Variants in DPP6 observed in about 807,000 individuals in gnomAD.
DPP6 encodes the protein dipeptidyl peptidase like 6, also known as A-type potassium channel modulatory protein DPP6.
A neutral mutation model predicts 122.6 loss-of-function variants in DPP6; 69 were observed. That is an observed-to-expected ratio of 0.56 (90% CI 0.46 to 0.69). The LOEUF (loss-of-function observed/expected upper bound fraction) is 0.69. Among genes scored for constraint, DPP6 ranks in the 30% least tolerant of loss-of-function variants. DPP6 has a pLI of 0.00. For synonymous variants in DPP6, 418 were observed against 433.1 expected (o/e 0.97, Z 0.43); for missense variants, 928 against 1,116.9 (o/e 0.83, Z 2.41).
At chr7:153,907,886 A>G (rs1392988390) in intron 1 of DPP6, among the ~76,000 whole-genome samples, 3 of 152,132 alleles carry the variant, frequency 2.0e-5, no homozygotes, top group Non-Finnish European at 4.4e-5. Context: ...ACGCTGACTG[A>G]TACACTAGGA....
intron 1 of DPP6, among the ~76,000 whole-genome samples, chr7:154,076,640 C>T (rs62485620): frequency 0.21 from 31,378 of 148,778 alleles, 3,403 homozygotes; most frequent in East Asian, 0.42. Flanking sequence ...AGGATGCGTA[C>T]CAAGGTGGAT....
intron 1 of DPP6, among the ~76,000 whole-genome samples, chr7:154,025,723 GAACT>G (rs575311596): frequency 6.6e-6 from 1 of 152,024 alleles, no homozygotes; most frequent in South Asian, 2.1e-4. Context: ...CTAGTAGAAT[GAACT>G]AATATGAAAC....
At chr7:154,066,585 C>T (rs1563164301) in intron 1 of DPP6, among the ~76,000 whole-genome samples, 1 of 152,134 alleles carries the variant, frequency 6.6e-6, no homozygotes, top group South Asian at 2.1e-4. Context: ...TGGGAAGGGG[C>T]TCCTGAGCAG....
intron 1 of DPP6, among the ~76,000 whole-genome samples, chr7:154,245,657 T>C (rs1801938368): frequency 8.6e-6 from 1 of 116,338 alleles, no homozygotes; most frequent in Non-Finnish European, 1.9e-5. Flanking sequence ...AAAAAAGCTA[T>C]GGCTATGTTA....
chr7:154,477,275 C>CCAGCACCAGCAT (rs1302967368), intron 3 of DPP6, among the ~76,000 whole-genome samples: 3 of 151,938 alleles, frequency 2.0e-5, no homozygotes. Context: ...ACCAGCAGCA[C>CCAGCACCAGCAT]CAGCACCACA....
At chr7:153,763,296 C>T in the DPP6 span, among the ~76,000 whole-genome samples, 3 of 149,582 alleles carry the variant, frequency 2.0e-5, no homozygotes, top group Non-Finnish European at 4.4e-5. Context: ...CCATTACCAC[C>T]AAATAAAACT....
Position 154,875,798 on chromosome 7 carries a change from C to A in DPP6, c.1884-108C>A. 6.9e-7 allele frequency: 1 copy of A among 1,449,702 alleles called. No individual in the cohort carries two copies. Among genetic ancestry groups the A allele is most frequent in the Non-Finnish European group, 9.2e-7 (1 of 1,087,302 alleles). The allele number at this position is 1,449,702 out of a possible 1,614,324, so 89.8% of individuals were successfully genotyped here. ...GGGTATGGAGTTGAGCGTGTGGCAG[C>A]CGGGTCACGGGTAAAATCCCTTACG... On this transcript the variant is annotated intron_variant, in intron 19 of 25. Coordinates refer to ENST00000377770, the MANE Select transcript of DPP6 (RefSeq NM_130797.4). The surrounding 1 kb of genome is among the most constrained non-coding windows in gnomAD (Gnocchi z 4.5).
chr7:153,817,819 T>C, the DPP6 span, among the ~76,000 whole-genome samples: 6 of 149,924 alleles, frequency 4.0e-5, no homozygotes, highest in East Asian at 2.0e-4. Flanking sequence ...TAATGCTAAA[T>C]GACAAGTTAA....
chr7:154,855,767 A>C (rs78693124), intron 17 of DPP6, among the ~76,000 whole-genome samples: 2 of 152,342 alleles, frequency 1.3e-5, no homozygotes, highest in Non-Finnish European at 2.9e-5. Context: ...AGACCTCTTT[A>C]GGTGGAATTT....
At chr7:154,440,381 A>G (rs1819267425) in intron 1 of DPP6, among the ~76,000 whole-genome samples, 1 of 152,102 alleles carries the variant, frequency 6.6e-6, no homozygotes, top group African/African-American at 2.4e-5. Context: ...ACTCACAAGA[A>G]ACAAAGTGAC....
At chr7:154,464,763 T>G (rs193012216) in intron 2 of DPP6, among the ~76,000 whole-genome samples, 14 of 152,342 alleles carry the variant, frequency 9.2e-5, no homozygotes, top group African/African-American at 3.4e-4. Context: ...GGATTATTTC[T>G]ACTTGAAATA....
At chr7:154,810,550 G>T (rs757341855) in intron 16 of DPP6, among the ~76,000 whole-genome samples, 1 of 152,200 alleles carries the variant, frequency 6.6e-6, no homozygotes, top group Admixed American at 6.5e-5. Context: ...TATTTGCAAG[G>T]CTTGTGTTGT....
At chr7:153,990,450 A>G (rs1325204706) in intron 1 of DPP6, among the ~76,000 whole-genome samples, 1 of 130,850 alleles carries the variant, frequency 7.6e-6, no homozygotes, top group East Asian at 2.2e-4. Context: ...AGGGAATTGC[A>G]ATCAGTTTCA....
the DPP6 span, among the ~76,000 whole-genome samples, chr7:153,829,192 C>T: frequency 9.2e-5 from 14 of 152,112 alleles, no homozygotes; most frequent in Admixed American, 4.6e-4. Context: ...TTTTGGCTTT[C>T]GAGGTCTGTG....
chr7:154,633,887 AT>A, intron 5 of DPP6, among the ~76,000 whole-genome samples: 1 of 152,126 alleles, frequency 6.6e-6, no homozygotes, highest in South Asian at 2.1e-4. Context: ...GAAGCCTTCT[AT>A]TTGTATCAAC....
intron 16 of DPP6, among the ~76,000 whole-genome samples, chr7:154,828,436 G>A (rs535773425): frequency 1.1e-4 from 16 of 152,192 alleles, no homozygotes; most frequent in East Asian, 7.7e-4. Context: ...GTCACCAAGC[G>A]TGCAGCCACC....
At chr7:154,814,885 T>C (rs1176767206) in intron 16 of DPP6, among the ~76,000 whole-genome samples, 1 of 152,232 alleles carries the variant, frequency 6.6e-6, no homozygotes, top group Non-Finnish European at 1.5e-5. Flanking sequence ...CCACTTCTTA[T>C]GTGGATGCCA....
intron 1 of DPP6, among the ~76,000 whole-genome samples, chr7:154,107,127 C>G (rs564156904): frequency 6.6e-6 from 1 of 152,286 alleles, no homozygotes; most frequent in African/African-American, 2.4e-5. Context: ...AAAGAGACAT[C>G]TGCACTCCCA....
chr7:154,035,053 G>A (rs928463176), intron 1 of DPP6, among the ~76,000 whole-genome samples: 7 of 151,886 alleles, frequency 4.6e-5, no homozygotes, highest in South Asian at 2.1e-4. Context: ...CTCCCCATCC[G>A]ACCCTGAGGC....
Sources: allele counts gnomAD v4.1 joint callset (sites outside exome capture counted in the v4.1 genomes callset), GRCh38; gene constraint gnomAD v4.1.1; non-coding constraint Gnocchi (gnomAD v3.1); transcripts MANE v1.5; gene names NCBI Gene and HGNC (gene_info 2026-07-23, HGNC 2026-07-21).